GPM6B: variants seen among roughly 807,000 people sequenced by gnomAD.
GPM6B encodes neuronal membrane glycoprotein M6-b.
GPM6B carries 4 observed loss-of-function variants against 27.2 expected under a neutral mutation model. The ratio of observed to expected loss-of-function variants is 0.15; its 90% CI spans 0.07 to 0.34. The LOEUF is 0.34. Among genes scored for constraint, GPM6B ranks in the 10% least tolerant of loss-of-function variants. The pLI, the probability that GPM6B is intolerant of heterozygous loss-of-function variation, is 1.00. For missense variants in GPM6B, 183 were observed against 261.9 expected (o/e 0.70, Z 2.08); for synonymous variants, 124 against 103.1 (o/e 1.20, Z -1.23).
In GPM6B at chrX:13,860,606, C is replaced by T. The variant is rs1260696606; in HGVS notation, c.-197-74798G>A. On this transcript the variant is annotated intron_variant, in intron 1 of 6. Coordinates refer to the GPM6B transcript ENST00000398361. ...AGATTTTTCCCACCTGAATATGAGA[C>T]CATTAACACAAAAATTCATTTTAAT... Among the ~76,000 whole-genome samples the T allele has an allele frequency of 5.4e-5, 6 of 110,620 alleles. No individual in the cohort carries two copies. The East Asian group carries it at 1.7e-3, about 31-fold the overall frequency.
intron 1 of GPM6B, among the ~76,000 whole-genome samples, chrX:13,809,919 A>AG (rs1200242649): frequency 1.1e-5 from 1 of 89,766 alleles, no homozygotes; most frequent in Admixed American, 1.3e-4. Flanking sequence ...CCTGGGCAAA[A>AG]AAAAAAAAAA....
intron 1 of GPM6B, among the ~76,000 whole-genome samples, chrX:13,831,113 G>A (rs2049433017): frequency 4.7e-5 from 5 of 106,879 alleles, no homozygotes; most frequent in Admixed American, 3.1e-4. Context: ...GGATACTATA[G>A]TACAAGGCAG....
intron 1 of GPM6B, among the ~76,000 whole-genome samples, chrX:13,929,027 G>A (rs1461955082): frequency 4.5e-5 from 5 of 111,790 alleles, no homozygotes; most frequent in Non-Finnish European, 7.5e-5. Context: ...ATGAACAAAC[G>A]TAATGAAGAC....
At chrX:13,796,411 C>T (rs2048816945) in intron 2 of GPM6B, among the ~76,000 whole-genome samples, 1 of 112,173 alleles carries the variant, frequency 8.9e-6, no homozygotes. Context: ...ATAGGCACAA[C>T]TCAGAAGAGC....
At position 13,771,959 on chromosome X, in the gene GPM6B, G is replaced by A. The variant is rs1349534131; in HGVS notation, c.*922C>T. The A allele has an allele frequency of 8.9e-6, 1 of 112,305 alleles. No homozygotes were observed. Among genetic ancestry groups the A allele is most frequent in the Non-Finnish European group, 1.9e-5 (1 of 53,180 alleles). The allele number at this position is 112,305 out of a possible 1,213,427, so 9.3% of individuals were successfully genotyped here. On this transcript the variant is annotated 3_prime_UTR_variant, in exon 8 of 8. Coordinates refer to ENST00000316715, the MANE Select transcript of GPM6B (RefSeq NM_001001995.3). ...TAGTTGGTATGAAACTGTAAACTTCGTATCCAGACCACTGAAAAATGGTTT... is the reference window on the plus strand; with the variant it reads ...TAGTTGGTATGAAACTGTAAACTTCATATCCAGACCACTGAAAAATGGTTT...
At position 13,807,731 on chromosome X, in the gene GPM6B, A is replaced by C. The variant is rs1375996368; in HGVS notation, c.100T>G (p.Trp34Gly). ...TGGTTCTTTGAGCCTGGGTACATCC[A>C]GTGGTACCTGCCAATTTCCATTTCA... ...RAEMEIGRYHWMYPGSKNHQY... is the reference protein window; with the variant it reads ...RAEMEIGRYHGMYPGSKNHQY... The change falls in exon 2 of 8, where the codon TGG becomes GGG. Residue 34 changes from tryptophan to glycine, a missense_variant. Transcript: ENST00000316715. The C allele has an allele frequency of 4.2e-6, 5 of 1,204,339 alleles. No individual in the cohort carries two copies. The highest frequency in any genetic ancestry group is 5.6e-6 in the Non-Finnish European group (5 of 890,851).
At chrX:13,847,326 AAT>A (rs753872087) in intron 1 of GPM6B, among the ~76,000 whole-genome samples, 1 of 112,167 alleles carries the variant, frequency 8.9e-6, no homozygotes. Flanking sequence ...AAGATTTACC[AAT>A]GAGTTTCTCT....
At chrX:13,875,225 C>A (rs1192058684) in intron 1 of GPM6B, among the ~76,000 whole-genome samples, 6 of 111,190 alleles carry the variant, frequency 5.4e-5, no homozygotes, top group African/African-American at 9.8e-5. Flanking sequence ...AAAACATCCT[C>A]AAAGCCAAAA....
chrX:13,812,039 C>CTTTTTTT (rs2049140418), intron 1 of GPM6B, among the ~76,000 whole-genome samples: 1 of 78,999 alleles, frequency 1.3e-5, no homozygotes, highest in Non-Finnish European at 2.5e-5. Context: ...GAACACTTTT[C>CTTTTTTT]TTTTCTTTCT....
intron 1 of GPM6B, among the ~76,000 whole-genome samples, chrX:13,860,109 A>G (rs1381959791): frequency 8.9e-6 from 1 of 112,608 alleles, no homozygotes; most frequent in Non-Finnish European, 1.9e-5. Context: ...AATATTTCAC[A>G]GTGAGTTGAA....
chrX:13,774,475 T>C, intron 7 of GPM6B: 2 of 1,197,338 alleles, frequency 1.7e-6, no homozygotes, highest in African/African-American at 1.7e-5. Context: ...ACCTAGACTC[T>C]GCTTTAGTCT....
chrX:13,928,325 C>T (rs748975485), intron 1 of GPM6B, among the ~76,000 whole-genome samples: 1 of 112,479 alleles, frequency 8.9e-6, no homozygotes, highest in Admixed American at 9.4e-5. Context: ...TTCGTGTACA[C>T]ATATTATACT....
chrX:13,821,840 C>T (rs2049311414), upstream of GPM6B, among the ~76,000 whole-genome samples: 1 of 111,708 alleles, frequency 9.0e-6, no homozygotes, highest in Non-Finnish European at 1.9e-5. Flanking sequence ...GGTGATCTGC[C>T]TGCCTCAGCC....
At chrX:13,921,363 G>T (rs183069876) in intron 1 of GPM6B, among the ~76,000 whole-genome samples, 1 of 111,977 alleles carries the variant, frequency 8.9e-6, no homozygotes, top group East Asian at 2.8e-4. Context: ...TGCAATGATG[G>T]TCTTACACTA....
At chrX:13,798,642 T>C (rs906465747) in intron 2 of GPM6B, among the ~76,000 whole-genome samples, 1 of 112,763 alleles carries the variant, frequency 8.9e-6, no homozygotes, top group African/African-American at 3.2e-5. Flanking sequence ...TATATAATAT[T>C]CCAGACTTAT....
chrX:13,917,980 T>C (rs17300814), intron 1 of GPM6B, among the ~76,000 whole-genome samples: 16,411 of 112,244 alleles, frequency 0.15, 914 homozygotes, highest in Admixed American at 0.2. Flanking sequence ...ATCTGAAAAT[T>C]GTTAATACAG....
chrX:13,838,091 A>C (rs1413384470), intron 1 of GPM6B, among the ~76,000 whole-genome samples: 1 of 107,228 alleles, frequency 9.3e-6, no homozygotes, highest in African/African-American at 3.5e-5. Flanking sequence ...TGCCATGCTT[A>C]TTTATAGGTT....
At chrX:13,775,906 A>G (rs2048404198) in intron 7 of GPM6B, among the ~76,000 whole-genome samples, 1 of 112,527 alleles carries the variant, frequency 8.9e-6, no homozygotes, top group Non-Finnish European at 1.9e-5. Flanking sequence ...AGAAATGGGT[A>G]ATGCCTCACG....
At chrX:13,866,124 G>A (rs1329461555) in intron 1 of GPM6B, among the ~76,000 whole-genome samples, 1 of 112,180 alleles carries the variant, frequency 8.9e-6, no homozygotes, top group Non-Finnish European at 1.9e-5. Context: ...AGCACTTTGA[G>A]AGGCTGAGGC....
Sources: gnomAD v4.1 joint callset for allele counts (sites outside exome capture counted in the v4.1 genomes callset) on GRCh38, gnomAD v4.1.1 for gene constraint, MANE v1.5 for transcripts, NCBI Gene and HGNC (gene_info 2026-07-23, HGNC 2026-07-21) for gene names.